Variants in TSHZ2 observed in about 807,000 individuals in gnomAD.
The protein encoded by TSHZ2 is teashirt homolog 2.
In TSHZ2, 21 loss-of-function variants were observed where a neutral mutation model predicts 74.4. That is an observed-to-expected ratio of 0.28 (90% CI 0.20 to 0.41). TSHZ2 has a LOEUF of 0.41. Ranked by LOEUF, TSHZ2 falls within the 10% of genes least tolerant of loss-of-function variation. The probability of loss-of-function intolerance (pLI) is 1.00; values close to 1 mark genes in which losing one functional copy is unlikely to be tolerated. For missense variants in TSHZ2, 1,244 were observed against 1,293.5 expected, an observed-to-expected ratio of 0.96 and a Z score of 0.59; for synonymous variants, 540 against 515.3, an observed-to-expected ratio of 1.05 and a Z score of -0.65.
intron 1 of TSHZ2, among the ~76,000 whole-genome samples, chr20:53,010,131 A>T (rs974760580): frequency 3.3e-5 from 5 of 152,132 alleles, no homozygotes; most frequent in African/African-American, 1.2e-4. Flanking sequence ...CCACAAAGCC[A>T]GTCATTCAGG....
intron 1 of TSHZ2, among the ~76,000 whole-genome samples, chr20:53,113,272 A>G (rs1986582382): frequency 6.6e-6 from 1 of 152,186 alleles, no homozygotes; most frequent in Non-Finnish European, 1.5e-5. Context: ...GTTTTCAGAA[A>G]TCCCTGGAGG....
intron 1 of TSHZ2, among the ~76,000 whole-genome samples, chr20:53,170,098 C>G (rs1179853174): frequency 6.6e-6 from 1 of 152,176 alleles, no homozygotes; most frequent in African/African-American, 2.4e-5. Context: ...AAAATCAACT[C>G]TAGCAGAGCC....
At position 53,490,486 on chromosome 20, in the gene TSHZ2, A is replaced by T. The variant is rs1568940321; in HGVS notation, c.*3351A>T. Reference sequence around the variant, plus strand: ...TAGAATCAAAATATTAGTATTTCAGAATAAGGATTTTTTTTCTGAAAAGCA... The same window carrying T: ...TAGAATCAAAATATTAGTATTTCAGTATAAGGATTTTTTTTCTGAAAAGCA... On this transcript the variant is annotated 3_prime_UTR_variant, in exon 3 of 3. Transcript: ENST00000371497. The T allele has an allele frequency of 6.6e-6, 1 of 152,214 alleles. No homozygotes were observed. The highest frequency in any genetic ancestry group is 1.5e-5 in the Non-Finnish European group (1 of 68,040). 9.4% of individuals were successfully genotyped at this position (152,214 alleles called of 1,614,324 possible).
intron 1 of TSHZ2, among the ~76,000 whole-genome samples, chr20:53,241,727 CTTAA>C (rs1334194579): frequency 2.0e-5 from 3 of 152,106 alleles, no homozygotes; most frequent in African/African-American, 7.2e-5. Flanking sequence ...AGTTATCTCA[CTTAA>C]TTTTCAAAAT....
chr20:53,259,110 A>C (rs1394514969), intron 2 of TSHZ2, among the ~76,000 whole-genome samples: 1 of 152,234 alleles, frequency 6.6e-6, no homozygotes, highest in Non-Finnish European at 1.5e-5. Flanking sequence ...ATTGCTTAGA[A>C]TGATGCATGT....
At chr20:53,407,965 A>G (rs943022363) in intron 2 of TSHZ2, among the ~76,000 whole-genome samples, 1 of 152,208 alleles carries the variant, frequency 6.6e-6, no homozygotes, top group Non-Finnish European at 1.5e-5. Flanking sequence ...CTTAGCTTGC[A>G]GACTTTACAA....
intron 1 of TSHZ2, among the ~76,000 whole-genome samples, chr20:53,149,660 T>A (rs1331786181): frequency 6.6e-6 from 1 of 152,196 alleles, no homozygotes; most frequent in Non-Finnish European, 1.5e-5. Context: ...CATCACATAT[T>A]ATGTAGGGCA....
intron 2 of TSHZ2, among the ~76,000 whole-genome samples, chr20:53,380,139 AGT>A (rs3222593): frequency 0.042 from 6,300 of 149,348 alleles, 379 homozygotes; most frequent in African/African-American, 0.14. Flanking sequence ...ATGGTTGGAG[AGT>A]GTGTGTGTGT....
intron 2 of TSHZ2, among the ~76,000 whole-genome samples, chr20:53,297,924 T>C (rs1022500203): frequency 3.9e-5 from 6 of 152,216 alleles, no homozygotes; most frequent in African/African-American, 1.4e-4. Flanking sequence ...CTTACAGATA[T>C]CAAAGAATTG....
intron 2 of TSHZ2, among the ~76,000 whole-genome samples, chr20:53,469,649 G>GACCC (rs1985710682): frequency 1.5e-5 from 1 of 68,648 alleles, no homozygotes; most frequent in Non-Finnish European, 3.0e-5. Context: ...AGGAAGGAAG[G>GACCC]AAGGAAGGAA....
intron 2 of TSHZ2, among the ~76,000 whole-genome samples, chr20:53,361,158 C>A (rs1317492232): frequency 1.3e-5 from 2 of 152,218 alleles, no homozygotes; most frequent in East Asian, 1.9e-4. Flanking sequence ...GAACACCCCC[C>A]AAAGCTTGTC....
chr20:53,346,997 A>T (rs1465032482), intron 2 of TSHZ2, among the ~76,000 whole-genome samples: 1 of 152,216 alleles, frequency 6.6e-6, no homozygotes, highest in African/African-American at 2.4e-5. Flanking sequence ...GGCTGAGGGC[A>T]TTAGACTCCC....
rs1354508681 is a variant in TSHZ2, at chr20:53,254,177, A to G, written c.719A>G (p.Tyr240Cys). 13 of 1,614,192 alleles carry G rather than the reference A, an allele frequency of 8.1e-6. No homozygotes were observed. The highest frequency in any genetic ancestry group is 1.3e-5 in the African/African-American group (1 of 75,050). The change falls in exon 2 of 3, where the codon TAT becomes TGT. Residue 240 changes from tyrosine (Y) to cysteine (C), a missense_variant. Physicochemically the swap from Tyr to Cys is radical, Grantham distance 194. Coordinates refer to ENST00000371497, the MANE Select transcript of TSHZ2 (RefSeq NM_173485.6). ...GTGCACATGAATGAAACGGGCCACT[A>G]TCAAGATGACAACCGCAAAAAGGAC... ...LTVHMNETGHYQDDNRKKDKL... is the reference protein window; with the variant it reads ...LTVHMNETGHCQDDNRKKDKL...
intron 2 of TSHZ2, among the ~76,000 whole-genome samples, chr20:53,437,368 G>C (rs941691524): frequency 6.6e-6 from 1 of 152,142 alleles, no homozygotes; most frequent in African/African-American, 2.4e-5. Flanking sequence ...AGCTACTCTG[G>C]AGGCTGAGCC....
intron 1 of TSHZ2, among the ~76,000 whole-genome samples, chr20:53,230,676 A>C (rs1989802821): frequency 6.6e-6 from 1 of 152,134 alleles, no homozygotes; most frequent in South Asian, 2.1e-4. Flanking sequence ...GTGGATCATG[A>C]GGTCAGGAGT....
intron 2 of TSHZ2, among the ~76,000 whole-genome samples, chr20:53,324,982 G>A (rs553051877): frequency 2.0e-5 from 3 of 152,280 alleles, no homozygotes; most frequent in East Asian, 1.9e-4. Flanking sequence ...TCTAGCCACC[G>A]CCAAATGCAT....
intron 2 of TSHZ2, among the ~76,000 whole-genome samples, chr20:53,304,213 C>G (rs1277450326): frequency 7.4e-6 from 1 of 135,630 alleles, no homozygotes; most frequent in East Asian, 2.3e-4. Flanking sequence ...CAACAGTCCC[C>G]AGAGTGTGAT....
In TSHZ2 at chr20:53,254,376, G is replaced by A. The variant is rs373677633; in HGVS notation, c.918G>A (p.Lys306=). The part of the protein sequence containing the change: ...KTKHYQKVPL[K]EPVPTISSKM... ...AACATTACCAAAAAGTGCCTTTGAA[G>A]GAGCCAGTCCCAACCATTTCCTCGA... Residue 306 remains lysine, a synonymous_variant, in exon 2 of 3, where the codon AAG becomes AAA. Transcript: ENST00000371497. The A allele has an allele frequency of 6.2e-6, 10 of 1,614,052 alleles. No homozygotes were observed. The African/African-American group carries it at 9.3e-5, about 15-fold the overall frequency.
chr20:53,046,374 G>T lies in TSHZ2; in HGVS notation c.40+73041G>T, dbSNP rs572695739. On this transcript the variant is annotated intron_variant, in intron 1 of 2. Coordinates refer to ENST00000371497, the MANE Select transcript of TSHZ2 (RefSeq NM_173485.6). The stretch of plus-strand genomic sequence containing the variant: ...GTCTTTTCATCCAGGGCACTCGATG[G>T]TGGCTAGCAAAAGGACCCCCAGCCC... 2.6e-3 allele frequency among the ~76,000 whole-genome samples: 401 copies of T among 152,220 alleles called. 3 individuals carry two copies. The highest frequency in any genetic ancestry group is 9.0e-3 in the African/African-American group (375 of 41,530).
Sources: allele counts gnomAD v4.1 joint callset (sites outside exome capture counted in the v4.1 genomes callset), GRCh38; gene constraint gnomAD v4.1.1; transcripts MANE v1.5; gene names NCBI Gene and HGNC (gene_info 2026-07-23, HGNC 2026-07-21).